Variants in CDK5RAP2 observed in about 807,000 individuals in gnomAD.
The protein encoded by CDK5RAP2 is CDK5 regulatory subunit-associated protein 2.
Under a neutral mutation model 232.9 loss-of-function variants are expected in CDK5RAP2, and 147 were observed. The observed-to-expected ratio is 0.63, with a 90% confidence interval of 0.55 to 0.72. The LOEUF is 0.72. Ranked by LOEUF, CDK5RAP2 falls within the 30% of genes least tolerant of loss-of-function variation. The probability of loss-of-function intolerance (pLI) is 0.00; values close to 1 mark genes in which losing one functional copy is unlikely to be tolerated. For synonymous variants in CDK5RAP2, 833 were observed against 833.7 expected, an observed-to-expected ratio of 1.00 and a Z score of 0.01; for missense variants, 2,195 against 2,231.5, an observed-to-expected ratio of 0.98 and a Z score of 0.33.
At chr9:120,578,679 G>C (rs1256144460) in intron 1 of CDK5RAP2, among the ~76,000 whole-genome samples, 1 of 151,224 alleles carries the variant, frequency 6.6e-6, no homozygotes, top group Non-Finnish European at 1.5e-5. Flanking sequence ...CAATCCTCCT[G>C]CCTCAGCCTC....
intron 5 of CDK5RAP2, among the ~76,000 whole-genome samples, chr9:120,545,197 G>T (rs2041791991): frequency 6.6e-6 from 1 of 152,042 alleles, no homozygotes; most frequent in Non-Finnish European, 1.5e-5. Context: ...CACCCATCAG[G>T]ACCCCTTCAA....
At chr9:120,559,745 C>T (rs2042395594) in intron 3 of CDK5RAP2, among the ~76,000 whole-genome samples, 1 of 152,086 alleles carries the variant, frequency 6.6e-6, no homozygotes, top group African/African-American at 2.4e-5. Context: ...CCATGTGTTA[C>T]TGTGGAAGTG....
chr9:120,445,195 T>C (rs891756053), intron 22 of CDK5RAP2, among the ~76,000 whole-genome samples: 3 of 152,242 alleles, frequency 2.0e-5, no homozygotes, highest in African/African-American at 7.2e-5. Context: ...TGGTCATTTC[T>C]TTCCCATAGC....
intron 3 of CDK5RAP2, among the ~76,000 whole-genome samples, chr9:120,552,412 T>C (rs1285679520): frequency 6.6e-6 from 1 of 152,152 alleles, no homozygotes; most frequent in African/African-American, 2.4e-5. Flanking sequence ...ACTGCAGCAC[T>C]ATTCACAATA....
chr9:120,407,546 C>T (rs2033545040), intron 31 of CDK5RAP2: 5 of 424,304 alleles, frequency 1.2e-5, no homozygotes, highest in Non-Finnish European at 2.2e-5. Flanking sequence ...TCTATTTGGG[C>T]TAGAATTATA....
At chr9:120,486,166 T>C (rs559994679) in intron 14 of CDK5RAP2, among the ~76,000 whole-genome samples, 10 of 152,228 alleles carry the variant, frequency 6.6e-5, no homozygotes, top group South Asian at 4.1e-4. Context: ...AGGTCCCTAG[T>C]AGTTTTTAAA....
chr9:120,426,399 AG>A (rs1454561590), intron 25 of CDK5RAP2, among the ~76,000 whole-genome samples: 7 of 152,210 alleles, frequency 4.6e-5, no homozygotes, highest in African/African-American at 1.7e-4. Flanking sequence ...TGGTCCGGAA[AG>A]GCAGGACAAC....
intron 18 of CDK5RAP2, among the ~76,000 whole-genome samples, chr9:120,461,255 G>A (rs1470296023): frequency 8.5e-5 from 13 of 152,222 alleles, no homozygotes; most frequent in Non-Finnish European, 1.6e-4. Flanking sequence ...AGAGTATCAC[G>A]CTTGCGTGAC....
intron 20 of CDK5RAP2, among the ~76,000 whole-genome samples, chr9:120,455,383 A>C (rs908940377): frequency 1.3e-5 from 2 of 151,794 alleles, no homozygotes; most frequent in African/African-American, 2.4e-5. Context: ...AAAAAAAAAA[A>C]AAAAAAACGA....
At chr9:120,539,199 G>A (rs1242476956) in intron 5 of CDK5RAP2, 35 bp from the exon 6 acceptor site, 1 of 1,613,118 alleles carries the variant, frequency 6.2e-7, no homozygotes, top group Admixed American at 1.7e-5. Flanking sequence ...AACATGCAAG[G>A]GTGATGGTCT....
chr9:120,471,614 A>G (rs1318686368), intron 16 of CDK5RAP2, 134 bp downstream of exon 16: 1 of 1,265,822 alleles, frequency 7.9e-7, no homozygotes, highest in Admixed American at 1.7e-5. Flanking sequence ...CAGCATGGTC[A>G]CCACAAAAAG....
At chr9:120,500,810 G>A (rs2039539327) in intron 12 of CDK5RAP2, among the ~76,000 whole-genome samples, 1 of 152,160 alleles carries the variant, frequency 6.6e-6, no homozygotes, top group Non-Finnish European at 1.5e-5. Context: ...CCTTTCAAAT[G>A]GATATCATCA....
intron 4 of CDK5RAP2, among the ~76,000 whole-genome samples, chr9:120,546,635 G>GTTTTTTT (rs1263609762): frequency 1.3e-5 from 2 of 151,690 alleles, no homozygotes; most frequent in Non-Finnish European, 2.9e-5. Flanking sequence ...TTGTTTTTTT[G>GTTTTTTT]TTTTTTTATT....
intron 25 of CDK5RAP2, among the ~76,000 whole-genome samples, chr9:120,430,839 A>G (rs1266595064): frequency 3.3e-5 from 5 of 152,224 alleles, no homozygotes; most frequent in Non-Finnish European, 7.3e-5. Context: ...ACTATTCACA[A>G]TAGCAAAGAC....
rs374734795 is a variant in CDK5RAP2 at position 120,407,299 on chromosome 9, C to T, written c.4727-51G>A. On this transcript the variant is annotated intron_variant, in intron 31 of 37. Coordinates refer to ENST00000349780, the MANE Select transcript of CDK5RAP2 (RefSeq NM_018249.6). ...CTGACATCTTCCACAACCAAAGGGT[C>T]AGCCATCGAAGGAACTCAATCGCAT... The T allele has an allele frequency of 4.8e-4, 674 of 1,417,376 alleles. 4 individuals are homozygous for T. The highest frequency in any genetic ancestry group is 1.3e-3 in the South Asian group (116 of 87,214). The allele number at this position is 1,417,376 out of a possible 1,614,324, so 87.8% of individuals were successfully genotyped here. A position where few individuals can be genotyped will look rare whatever the true frequency, so the allele number is the denominator to read the frequency against.
chr9:120,489,863 A>T (rs1207782795), intron 13 of CDK5RAP2, among the ~76,000 whole-genome samples: 1 of 148,006 alleles, frequency 6.8e-6, no homozygotes, highest in East Asian at 2.0e-4. Context: ...GCTGGAGTGC[A>T]GTGGCACAAT....
chr9:120,539,047 C>T lies in CDK5RAP2; in HGVS notation c.501G>A (p.Leu167=), dbSNP rs751599261. ...TCAGGATTTCCAGACTTGCCTTTTC[C>T]AAAAGGAGTATTCTTTTAGTTAGGA... ...EDLLTKRILL[L]EKDVTAAQAE... is the part of the protein sequence containing the mutation. Residue 167 remains leucine, a synonymous_variant, in exon 6 of 38, where the codon TTG becomes TTA. Transcript: ENST00000349780. The T allele has an allele frequency of 6.2e-7, 1 of 1,613,984 alleles. No homozygotes were observed. Among genetic ancestry groups the T allele is most frequent in the Non-Finnish European group, 8.5e-7 (1 of 1,179,886 alleles).
intron 24 of CDK5RAP2, among the ~76,000 whole-genome samples, chr9:120,437,900 A>G (rs1274942328): frequency 2.0e-5 from 3 of 152,232 alleles, no homozygotes; most frequent in Non-Finnish European, 4.4e-5. Flanking sequence ...TGTGATAAAG[A>G]AAGTGTACCA....
intron 17 of CDK5RAP2, among the ~76,000 whole-genome samples, 188 bp downstream of exon 17, chr9:120,469,923 G>A (rs1466397250): frequency 6.6e-6 from 1 of 152,080 alleles, no homozygotes; most frequent in African/African-American, 2.4e-5. Context: ...TCAGGCCTGG[G>A]GAGTTTATCA....
Sources: allele counts gnomAD v4.1 joint callset (sites outside exome capture counted in the v4.1 genomes callset), GRCh38; gene constraint gnomAD v4.1.1; transcripts MANE v1.5; gene names NCBI Gene and HGNC (gene_info 2026-07-23, HGNC 2026-07-21).